The following PALLD variants were observed in gnomAD, a reference collection of about 807,000 sequenced individuals.
PALLD encodes palladin, cytoskeletal associated protein.
PALLD carries 61 observed loss-of-function variants against 123.5 expected under a neutral mutation model. The ratio of observed to expected loss-of-function variants is 0.49; its 90% CI spans 0.40 to 0.61. The LOEUF (loss-of-function observed/expected upper bound fraction) is 0.61. PALLD is among the 20% of genes least tolerant of loss of function. The probability of loss-of-function intolerance (pLI) is 0.00; values close to 1 mark genes in which losing one functional copy is unlikely to be tolerated. For missense variants in PALLD, 1,273 were observed against 1,377.0 expected, an observed-to-expected ratio of 0.92 and a Z score of 1.20; for synonymous variants, 465 against 496.4, an observed-to-expected ratio of 0.94 and a Z score of 0.84.
chr4:168,760,388 G>A (rs1293300028), intron 10 of PALLD, among the ~76,000 whole-genome samples: 4 of 152,010 alleles, frequency 2.6e-5, no homozygotes, highest in South Asian at 4.2e-4. Flanking sequence ...TTTTGGCTCC[G>A]GGCTCGGTGA....
In PALLD at chr4:168,891,041, T is replaced by C. The variant is rs139375029; in HGVS notation, c.2084T>C (p.Leu695Pro). ...AAACTTCGCTTCAAGGAGGACCTCC[T>C]GAACAATGGCCAGCCGGTACTGATA... The part of the protein sequence containing the change: ...ERKLRFKEDL[L>P]NNGQPRLTYE... The change falls in exon 11 of 22, where the codon CTG becomes CCG. Residue 695 changes from leucine (L) to proline (P), a missense_variant. This residue lies in a region of PALLD where 944 missense variants were observed against 954.5 expected (regional missense o/e 0.99). Transcript: ENST00000505667. 6.2e-7 allele frequency: 1 copy of C among 1,614,056 alleles called. No individual in the cohort carries two copies. The highest frequency in any genetic ancestry group is 8.5e-7 in the Non-Finnish European group (1 of 1,180,016).
chr4:168,820,071 G>A (rs1261077120), intron 10 of PALLD, among the ~76,000 whole-genome samples: 1 of 152,240 alleles, frequency 6.6e-6, no homozygotes, highest in East Asian at 1.9e-4. Flanking sequence ...TACTTCGAAA[G>A]ACTTAAGAGT....
chr4:168,801,645 A>G (rs926678942), intron 10 of PALLD, among the ~76,000 whole-genome samples: 1 of 152,184 alleles, frequency 6.6e-6, no homozygotes, highest in Non-Finnish European at 1.5e-5. Flanking sequence ...AGACAAAGAG[A>G]ACGACCTGCC....
intron 2 of PALLD, chr4:168,654,685 C>G (rs981532749): frequency 1.3e-5 from 2 of 152,216 alleles, no homozygotes; most frequent in African/African-American, 4.8e-5. Context: ...TTAGTCCTGA[C>G]TTCCTGTTCT....
intron 3 of PALLD, chr4:168,678,028 A>T (rs1406571682): frequency 6.6e-6 from 1 of 152,022 alleles, no homozygotes; most frequent in African/African-American, 2.4e-5. Flanking sequence ...CTCTTTCTTC[A>T]TTCCAGCAGA....
chr4:168,769,601 G>A (rs1734128709), intron 10 of PALLD, among the ~76,000 whole-genome samples: 1 of 152,150 alleles, frequency 6.6e-6, no homozygotes, highest in African/African-American at 2.4e-5. Context: ...TTCTGCTCCA[G>A]ACTGTCTGAG....
chr4:168,573,068 A>T (rs1397845981), intron 2 of PALLD, among the ~76,000 whole-genome samples: 1 of 151,550 alleles, frequency 6.6e-6, no homozygotes, highest in Non-Finnish European at 1.5e-5. Context: ...TCTTCTCCCC[A>T]ACTCACGCCT....
chr4:168,774,220 T>A (rs554701489), intron 10 of PALLD, among the ~76,000 whole-genome samples: 1 of 152,196 alleles, frequency 6.6e-6, no homozygotes, highest in Non-Finnish European at 1.5e-5. Flanking sequence ...TCAGAAGCCA[T>A]GTGACCCAAG....
intron 2 of PALLD, among the ~76,000 whole-genome samples, chr4:168,609,991 T>G (rs1418206415): frequency 6.6e-6 from 1 of 152,228 alleles, no homozygotes; most frequent in African/African-American, 2.4e-5. Flanking sequence ...CTAATTCATT[T>G]TTTGTCTATG....
At chr4:168,698,258 G>A (rs1195444877) in intron 8 of PALLD, among the ~76,000 whole-genome samples, 1 of 152,170 alleles carries the variant, frequency 6.6e-6, no homozygotes, top group Non-Finnish European at 1.5e-5. Context: ...CAAAAATATA[G>A]TTAGAAAGAA....
intron 10 of PALLD, among the ~76,000 whole-genome samples, chr4:168,719,487 T>C (rs897598170): frequency 6.6e-6 from 1 of 152,104 alleles, no homozygotes; most frequent in African/African-American, 2.4e-5. Flanking sequence ...CTTGAACTCC[T>C]CACCTCAGGT....
chr4:168,888,175 T>C (rs1753635337), intron 10 of PALLD, among the ~76,000 whole-genome samples: 1 of 152,164 alleles, frequency 6.6e-6, no homozygotes, highest in African/African-American at 2.4e-5. Context: ...TATAAATAAT[T>C]CCTATGGTTC....
At chr4:168,647,868 A>T (rs1024894156) in intron 2 of PALLD, 6 of 151,844 alleles carry the variant, frequency 4.0e-5, no homozygotes, top group South Asian at 2.1e-4. Flanking sequence ...AGCTCCCTTC[A>T]TGTAATCACT....
chr4:168,892,281 T>A (rs2151199607), intron 11 of PALLD, among the ~76,000 whole-genome samples: 1 of 152,216 alleles, frequency 6.6e-6, no homozygotes, highest in African/African-American at 2.4e-5. Context: ...ACTGGAAAAA[T>A]TTGCCTGGCT....
intron 10 of PALLD, chr4:168,831,995 C>T (rs901502955): frequency 1.0e-6 from 1 of 985,474 alleles, no homozygotes. Context: ...CCCGCCGCGC[C>T]GCCGGACTCT....
At chr4:168,716,456 C>G (rs1436490291) in intron 10 of PALLD, among the ~76,000 whole-genome samples, 1 of 152,110 alleles carries the variant, frequency 6.6e-6, no homozygotes, top group Non-Finnish European at 1.5e-5. Context: ...TTGCTCTTAC[C>G]CCAGTCTCTA....
At chr4:168,652,656 G>A (rs1442867209) in intron 2 of PALLD, among the ~76,000 whole-genome samples, 1 of 152,168 alleles carries the variant, frequency 6.6e-6, no homozygotes, top group Middle Eastern at 3.2e-3. Context: ...ATTAAGTTTA[G>A]AAAGCTTTCC....
At chr4:168,705,475 A>G (rs764082997) in intron 8 of PALLD, among the ~76,000 whole-genome samples, 12 of 152,286 alleles carry the variant, frequency 7.9e-5, no homozygotes, top group Non-Finnish European at 1.5e-4. Flanking sequence ...AAGTCTTTCC[A>G]TTCATTTAAC....
At chr4:168,808,298 G>C (rs775427793) in intron 10 of PALLD, among the ~76,000 whole-genome samples, 1 of 151,608 alleles carries the variant, frequency 6.6e-6, no homozygotes, top group Non-Finnish European at 1.5e-5. Flanking sequence ...GGCTAACATG[G>C]TGAAACCCTG....
Sources: allele counts gnomAD v4.1 joint callset (sites outside exome capture counted in the v4.1 genomes callset), GRCh38; gene constraint gnomAD v4.1.1; regional missense constraint gnomAD v4.1.1; transcripts MANE v1.5; gene names NCBI Gene and HGNC (gene_info 2026-07-23, HGNC 2026-07-21).